Variants in NAALADL2 observed in about 807,000 individuals in gnomAD.
NAALADL2 encodes N-acetylated alpha-linked acidic dipeptidase like 2.
NAALADL2 carries 76 observed loss-of-function variants against 87.2 expected under a neutral mutation model. The observed-to-expected ratio is 0.87, with a 90% confidence interval of 0.72 to 1.05. The LOEUF is 1.05. Ranked by LOEUF, NAALADL2 falls within the 50% of genes least tolerant of loss-of-function variation. The pLI, the probability that NAALADL2 is intolerant of heterozygous loss-of-function variation, is 0.00. For missense variants in NAALADL2, 1,089 were observed against 945.8 expected (o/e 1.15, Z -1.99); for synonymous variants, 354 against 331.0 (o/e 1.07, Z -0.75).
chr3:175,006,562 G>T (rs1464842388), intron 1 of NAALADL2, among the ~76,000 whole-genome samples: 2 of 151,780 alleles, frequency 1.3e-5, no homozygotes, highest in Admixed American at 6.6e-5. Context: ...TATAGCTGGT[G>T]CAAGTATTTT....
chr3:175,412,894 A>T (rs1208639822), intron 5 of NAALADL2, among the ~76,000 whole-genome samples: 1 of 134,902 alleles, frequency 7.4e-6, no homozygotes, highest in Non-Finnish European at 1.6e-5. Flanking sequence ...TAATTTATTT[A>T]TTATTATTAT....
chr3:175,797,268 A>T (rs1753610935), intron 13 of NAALADL2, among the ~76,000 whole-genome samples: 1 of 152,150 alleles, frequency 6.6e-6, no homozygotes, highest in South Asian at 2.1e-4. Context: ...GATAGGCATG[A>T]GGGTGGAATT....
intron 5 of NAALADL2, among the ~76,000 whole-genome samples, chr3:175,422,101 C>A (rs1468046471): frequency 6.6e-6 from 1 of 152,118 alleles, no homozygotes; most frequent in African/African-American, 2.4e-5. Context: ...CCCATTAGGA[C>A]TCTGAAGTAT....
intron 6 of NAALADL2, among the ~76,000 whole-genome samples, chr3:175,462,784 C>G (rs7618993): frequency 0.029 from 4,353 of 152,020 alleles, 209 homozygotes; most frequent in African/African-American, 0.099. Flanking sequence ...CAAACATAAA[C>G]AGAAAAATTC....
At chr3:175,345,261 C>T (rs539587482) in intron 5 of NAALADL2, among the ~76,000 whole-genome samples, 5 of 116,604 alleles carry the variant, frequency 4.3e-5, no homozygotes, top group East Asian at 3.0e-4. Context: ...ATACTTCATA[C>T]GTTTTATTCC....
chr3:174,831,460 A>G lies in NAALADL2; in HGVS notation c.-9+93714A>G, dbSNP rs866360299. 2.7e-3 allele frequency among the ~76,000 whole-genome samples: 374 copies of G among 140,708 alleles called. 2 individuals carry two copies. The highest frequency in any genetic ancestry group is 0.019 in the Middle Eastern group (5 of 266). 92.3% of individuals were successfully genotyped at this position (140,708 alleles called of 152,430 possible). A position where few individuals can be genotyped will look rare whatever the true frequency, so the allele number is the denominator to read the frequency against. On this transcript the variant is annotated intron_variant, in intron 3 of 3. Coordinates refer to the NAALADL2 transcript ENST00000434257. ...GCCTTGCATCCCAGGGATGAAGCCC[A>G]CTTGATCATGGTGGATAAGCTTTTT...
rs191859809 is a variant in NAALADL2, at chr3:175,095,779, A to C, written c.44-1011A>C. Among the ~76,000 whole-genome samples the C allele has an allele frequency of 3.5e-4, 53 of 152,206 alleles. No individual in the cohort carries two copies. The East Asian group carries it at 7.4e-3, about 21-fold the overall frequency. ...CCACCACAGTGGGACACACAGAAAAATCATAAAACATAGTGAGGGATCTAA... is the reference window on the plus strand; with the variant it reads ...CCACCACAGTGGGACACACAGAAAACTCATAAAACATAGTGAGGGATCTAA... On this transcript the variant is annotated intron_variant, in intron 1 of 13. Coordinates refer to ENST00000454872, the MANE Select transcript of NAALADL2 (RefSeq NM_207015.3).
intron 2 of NAALADL2, among the ~76,000 whole-genome samples, chr3:174,650,044 TAAG>T (rs2108752873): frequency 6.7e-6 from 1 of 149,206 alleles, no homozygotes; most frequent in East Asian, 1.9e-4. Flanking sequence ...TCATCAATAA[TAAG>T]ATAATAATAG....
intron 1 of NAALADL2, among the ~76,000 whole-genome samples, chr3:174,514,861 A>C (rs539161321): frequency 5.6e-4 from 85 of 152,194 alleles, no homozygotes; most frequent in African/African-American, 2.0e-3. Context: ...AATTACTTTT[A>C]TGTCACCATT....
chr3:174,742,186 T>C (rs1395169093), intron 3 of NAALADL2, among the ~76,000 whole-genome samples: 1 of 151,654 alleles, frequency 6.6e-6, no homozygotes, highest in African/African-American at 2.4e-5. Context: ...TTAATAAAAA[T>C]ATTTATGGTG....
intron 2 of NAALADL2, among the ~76,000 whole-genome samples, chr3:175,131,969 C>T (rs185414602): frequency 0.077 from 7,950 of 102,660 alleles, 688 homozygotes; most frequent in Non-Finnish European, 0.11. Flanking sequence ...CCTCACCTCC[C>T]GGACGGGGCA....
intron 10 of NAALADL2, among the ~76,000 whole-genome samples, chr3:175,591,687 GC>G (rs1462407548): frequency 6.6e-6 from 1 of 151,608 alleles, no homozygotes; most frequent in East Asian, 1.9e-4. Context: ...GGGTATCTGA[GC>G]CATATCAAAC....
intron 2 of NAALADL2, among the ~76,000 whole-genome samples, chr3:175,190,493 A>G (rs914679814): frequency 4.6e-5 from 7 of 152,202 alleles, no homozygotes; most frequent in Non-Finnish European, 7.3e-5. Flanking sequence ...ACCACATGAT[A>G]TATCAACTCA....
chr3:175,697,670 A>C (rs1738029500), intron 11 of NAALADL2, among the ~76,000 whole-genome samples: 1 of 150,940 alleles, frequency 6.6e-6, no homozygotes, highest in South Asian at 2.1e-4. Flanking sequence ...GATTGTCCCA[A>C]AGTTAAGTGT....
At chr3:174,836,834 T>G (rs1233449092) in intron 3 of NAALADL2, among the ~76,000 whole-genome samples, 1 of 151,984 alleles carries the variant, frequency 6.6e-6, no homozygotes. Context: ...TCCTTACCAC[T>G]TCTGACACAC....
chr3:174,837,857 C>G (rs1234499232), intron 3 of NAALADL2, among the ~76,000 whole-genome samples: 4 of 151,414 alleles, frequency 2.6e-5, no homozygotes, highest in African/African-American at 9.7e-5. Flanking sequence ...AGTCCAGGAC[C>G]AGACAGATTC....
chr3:174,833,407 T>C (rs1405195565), intron 3 of NAALADL2, among the ~76,000 whole-genome samples: 2 of 152,074 alleles, frequency 1.3e-5, no homozygotes, highest in African/African-American at 4.8e-5. Context: ...AAAACAAATT[T>C]GTAGTTAAAA....
At chr3:174,710,509 C>T (rs1459415107) in intron 2 of NAALADL2, among the ~76,000 whole-genome samples, 7 of 152,152 alleles carry the variant, frequency 4.6e-5, no homozygotes, top group Admixed American at 3.9e-4. Context: ...CCGCCTTGGC[C>T]TCCCAAAGTG....
At chr3:175,783,899 G>GT (rs908015015) in intron 13 of NAALADL2, among the ~76,000 whole-genome samples, 5 of 142,230 alleles carry the variant, frequency 3.5e-5, no homozygotes, top group African/African-American at 1.5e-4. Context: ...TTTATTGAGA[G>GT]TTTTTAGCAT....
Sources: gnomAD v4.1 joint callset for allele counts (sites outside exome capture counted in the v4.1 genomes callset) on GRCh38, gnomAD v4.1.1 for gene constraint, MANE v1.5 for transcripts, NCBI Gene and HGNC (gene_info 2026-07-23, HGNC 2026-07-21) for gene names.